TMEM163: variants seen among roughly 807,000 people sequenced by gnomAD.
TMEM163 encodes transmembrane protein 163.
Under a neutral mutation model 29.3 loss-of-function variants are expected in TMEM163, and 17 were observed. The observed-to-expected ratio is 0.58, with a 90% CI of 0.40 to 0.87. The LOEUF is 0.87. TMEM163 is among the 40% of genes least tolerant of loss of function. The pLI, the probability that TMEM163 is intolerant of heterozygous loss-of-function variation, is 0.00. For synonymous variants in TMEM163, 157 were observed against 160.6 expected, an observed-to-expected ratio of 0.98 and a Z score of 0.17; for missense variants, 303 against 381.5, an observed-to-expected ratio of 0.79 and a Z score of 1.71.
intron 1 of TMEM163, among the ~76,000 whole-genome samples, chr2:134,717,985 T>C (rs1573560584): frequency 6.6e-6 from 1 of 152,268 alleles, no homozygotes; most frequent in South Asian, 2.1e-4. Context: ...GCAAGTGTGC[T>C]GACCTCCAGG....
In TMEM163 at chr2:134,524,694, T is replaced by C. The variant is rs1163593923; in HGVS notation, c.459-21697A>G. 2.0e-5 allele frequency among the ~76,000 whole-genome samples: 3 copies of C among 150,388 alleles called. 1 individual carries two copies. The highest frequency in any genetic ancestry group is 4.4e-5 in the Non-Finnish European group (3 of 67,586). On this transcript the variant is annotated intron_variant, in intron 4 of 7. Coordinates refer to ENST00000281924, the MANE Select transcript of TMEM163 (RefSeq NM_030923.5). ...TCCATCCATGTCCCTGCAAAGGACATGATCTCATTCCTTTTTATGGCTGCG... is the reference window on the plus strand; with the variant it reads ...TCCATCCATGTCCCTGCAAAGGACACGATCTCATTCCTTTTTATGGCTGCG...
In TMEM163 at chr2:134,456,739, G is replaced by C; in HGVS notation, c.847C>G (p.Arg283Gly). ...CTTCACTCAAACATCTCGTAGTGAC[G>C]TGTCTGCCTCACCCTCGGCACCATG... ...IDMVPRVRQT[R>G]HYEMFE Residue 283 changes from arginine to glycine, a missense_variant, in exon 8 of 8, where the codon CGT becomes GGT. Arg to Gly is a moderately radical substitution (Grantham distance 125). This residue lies in a region of TMEM163 where 203 missense variants were observed against 294.3 expected (regional missense o/e 0.69). Transcript: ENST00000281924. 1 of 1,613,764 alleles carries C rather than the reference G, an allele frequency of 6.2e-7. No individual in the cohort carries two copies.
intron 2 of TMEM163, among the ~76,000 whole-genome samples, chr2:134,600,460 G>A (rs969536080): frequency 2.0e-5 from 3 of 152,176 alleles, no homozygotes; most frequent in African/African-American, 4.8e-5. Context: ...CACAAAATCA[G>A]TAAAGCAGGT....
At chr2:134,554,503 T>C (rs1681005409) in intron 2 of TMEM163, among the ~76,000 whole-genome samples, 1 of 149,080 alleles carries the variant, frequency 6.7e-6, no homozygotes. Flanking sequence ...CCTGTGCTCC[T>C]AGGGCTGAGC....
intron 5 of TMEM163, among the ~76,000 whole-genome samples, chr2:134,483,606 G>A (rs997359946): frequency 1.3e-5 from 2 of 152,114 alleles, no homozygotes; most frequent in Non-Finnish European, 2.9e-5. Context: ...AGACCCCTGC[G>A]AGGTGGAAAT....
rs762105569 is a variant in TMEM163, at chr2:134,590,283, G to A, written c.323-38192C>T. ...AGCCAGTCGGTGGCCAAACCAGCTT[G>A]TCTGTCTCTAGCCCTGTGTTCCTCC... On this transcript the variant is annotated intron_variant, in intron 2 of 7. Transcript: ENST00000281924. Among the ~76,000 whole-genome samples, 3 of 152,142 alleles carry A rather than the reference G, an allele frequency of 2.0e-5. No homozygotes were observed. In the East Asian group the frequency reaches 5.8e-4, roughly 29 times the overall value.
chr2:134,489,525 C>T (rs974360482), intron 5 of TMEM163, among the ~76,000 whole-genome samples: 1 of 150,404 alleles, frequency 6.6e-6, no homozygotes, highest in African/African-American at 2.5e-5. Flanking sequence ...TACAGTGAGC[C>T]GAGATCGCAC....
chr2:134,550,419 G>C, intron 4 of TMEM163, 151 bp downstream of exon 4: 1 of 633,534 alleles, frequency 1.6e-6, no homozygotes, highest in Non-Finnish European at 2.8e-6. Flanking sequence ...CCACATGGCT[G>C]GCATTGCACT....
At chr2:134,492,833 CA>C (rs1679459327) in intron 5 of TMEM163, among the ~76,000 whole-genome samples, 1 of 152,214 alleles carries the variant, frequency 6.6e-6, no homozygotes, top group African/African-American at 2.4e-5. Context: ...TTTGTGCAGA[CA>C]TGTATTTTCA....
intron 2 of TMEM163, among the ~76,000 whole-genome samples, chr2:134,570,411 C>T (rs1681392907): frequency 6.6e-6 from 1 of 152,006 alleles, no homozygotes; most frequent in African/African-American, 2.4e-5. Context: ...AGCTTACAGG[C>T]ATCCACTGGG....
chr2:134,557,198 C>T (rs1369883484), intron 2 of TMEM163, among the ~76,000 whole-genome samples: 4 of 152,182 alleles, frequency 2.6e-5, no homozygotes, highest in Admixed American at 6.5e-5. Context: ...AGAGATAATT[C>T]GGGCAAGACA....
At position 134,550,599 on chromosome 2, in the gene TMEM163, G is replaced by A. The variant is rs772977705; in HGVS notation, c.429C>T (p.Ala143=). The change falls in exon 4 of 8, where the codon GCC becomes GCT. Residue 143 remains alanine (A), a synonymous_variant. Coordinates refer to ENST00000281924, the MANE Select transcript of TMEM163 (RefSeq NM_030923.5). ...AIVLWRYSNA[A]AVHSAHREYI... ...ACTCCCTATGGGCAGAGTGCACAGC[G>A]GCCGCGTTGCTGTAACGCCACAGGA... is the stretch of plus-strand genomic sequence containing the variant. 36 of 1,614,042 alleles carry A rather than the reference G, an allele frequency of 2.2e-5. No individual in the cohort carries two copies. The South Asian group carries it at 2.9e-4, about 13-fold the overall frequency.
intron 5 of TMEM163, among the ~76,000 whole-genome samples, chr2:134,483,469 C>G (rs891326010): frequency 6.6e-6 from 1 of 152,194 alleles, no homozygotes; most frequent in African/African-American, 2.4e-5. Context: ...CAGTATCAAA[C>G]TAGAGTTGCT....
intron 2 of TMEM163, among the ~76,000 whole-genome samples, chr2:134,705,077 G>C (rs965997015): frequency 6.6e-6 from 1 of 152,040 alleles, no homozygotes; most frequent in Non-Finnish European, 1.5e-5. Context: ...AGGCATGGTG[G>C]CATGTGCCTG....
chr2:134,602,351 G>C (rs960213431), intron 2 of TMEM163, among the ~76,000 whole-genome samples: 1 of 152,174 alleles, frequency 6.6e-6, no homozygotes, highest in Admixed American at 6.5e-5. Flanking sequence ...GCCTGTCCAT[G>C]ATCTTCCCCT....
At chr2:134,546,014 C>T (rs553233806) in intron 4 of TMEM163, among the ~76,000 whole-genome samples, 2 of 152,238 alleles carry the variant, frequency 1.3e-5, no homozygotes, top group African/African-American at 4.8e-5. Context: ...AAAATCCTGG[C>T]CATGAGTAAA....
At chr2:134,680,195 A>T (rs1475894342) in intron 2 of TMEM163, among the ~76,000 whole-genome samples, 1 of 152,246 alleles carries the variant, frequency 6.6e-6, no homozygotes, top group Non-Finnish European at 1.5e-5. Context: ...GGAGCAAAAA[A>T]TCTTAAATGA....
chr2:134,655,249 G>T lies in TMEM163; in HGVS notation c.322+57951C>A, dbSNP rs1156590384. On this transcript the variant is annotated intron_variant, in intron 2 of 7. Transcript: ENST00000281924. ...TTTCTTGGAGGCTTTGCTCATTTCT[G>T]TTTATTCTTTTTTCTCTAACCTTCC... Among the ~76,000 whole-genome samples the T allele has an allele frequency of 2.2e-5, 3 of 139,170 alleles. 1 individual carries two copies. Among genetic ancestry groups the T allele is most frequent in the Admixed American group, 7.0e-5 (1 of 14,190 alleles). 91.3% of individuals were successfully genotyped at this position (139,170 alleles called of 152,430 possible).
chr2:134,499,604 T>C (rs1280703413), intron 5 of TMEM163, among the ~76,000 whole-genome samples: 2 of 152,188 alleles, frequency 1.3e-5, no homozygotes, highest in Admixed American at 6.5e-5. Flanking sequence ...GAAATTCCAA[T>C]TGCACAGCTC....
Sources: gnomAD v4.1 joint callset for allele counts (sites outside exome capture counted in the v4.1 genomes callset) on GRCh38, gnomAD v4.1.1 for gene constraint, gnomAD v4.1.1 regional missense constraint, MANE v1.5 for transcripts, NCBI Gene and HGNC (gene_info 2026-07-23, HGNC 2026-07-21) for gene names.